The following CCDC197 variants were observed in gnomAD, a reference collection of about 807,000 sequenced individuals.
The protein encoded by CCDC197 is uncharacterized protein CCDC197.
In CCDC197, 24 loss-of-function variants were observed where a neutral mutation model predicts 13.4. That is an observed-to-expected ratio of 1.80 (90% CI 1.30 to 2.53). The LOEUF (loss-of-function observed/expected upper bound fraction) is 2.53, where lower values mean the gene tolerates loss of function less well. Ranked by LOEUF, CCDC197 falls within the 30% of genes most tolerant of loss-of-function variation. The pLI is 0.00. For missense variants in CCDC197, 255 were observed against 148.8 expected (o/e 1.71, Z -3.71); for synonymous variants, 99 against 55.5 (o/e 1.78, Z -3.48).
chr14:94,000,966 G>A, intron 3 of CCDC197, 179 bp from the exon 4 acceptor site: 1 of 413,514 alleles, frequency 2.4e-6, no homozygotes, highest in Non-Finnish European at 4.1e-6. Flanking sequence ...GGGCGGGAGG[G>A]CGGGGGGGCG....
chr14:93,995,438 C>A (rs1256667492), upstream of CCDC197, among the ~76,000 whole-genome samples: 1 of 152,206 alleles, frequency 6.6e-6, no homozygotes, highest in East Asian at 1.9e-4. Flanking sequence ...GCTGGGGATG[C>A]AGCCCAGTTG....
intron 6 of CCDC197, 130 bp downstream of exon 6, chr14:94,005,101 A>G (rs1327290950): frequency 3.3e-6 from 2 of 606,386 alleles, no homozygotes; most frequent in Non-Finnish European, 3.0e-6. Context: ...CCATAGCTAC[A>G]TTGGTGCCTG....
intron 6 of CCDC197, 57 bp downstream of exon 6, chr14:94,005,028 T>G: frequency 1.5e-6 from 1 of 686,856 alleles, no homozygotes; most frequent in Non-Finnish European, 2.7e-6. Flanking sequence ...GACTCCAACT[T>G]GAGCTAGTCC....
intron 6 of CCDC197, among the ~76,000 whole-genome samples, chr14:94,006,775 A>G (rs181417792): frequency 7.9e-5 from 12 of 152,244 alleles, no homozygotes; most frequent in African/African-American, 2.4e-4. Flanking sequence ...TACTATCTTG[A>G]TGAAGCACAG....
Position 93,998,175 on chromosome 14 carries a change from C to T in CCDC197, c.44C>T (p.Pro15Leu), listed in dbSNP as rs2141351208. ...GGCCAGAGAGCTGACCCAAGCAATCCTGGTGACAAGGAAGGGGACCTTCAA... is the reference window on the plus strand; with the variant it reads ...GGCCAGAGAGCTGACCCAAGCAATCTTGGTGACAAGGAAGGGGACCTTCAA... ...DTGQRADPSN[P>L]GDKEGDLQGL... Residue 15 changes from proline (P) to leucine (L), a missense_variant, in exon 2 of 7, where the codon CCT becomes CTT. Pro to Leu is a moderately conservative substitution (Grantham distance 98). Coordinates refer to ENST00000636493, the MANE Select transcript of CCDC197 (RefSeq NM_001351596.2). 3.8e-6 allele frequency: 3 copies of T among 780,854 alleles called. No individual in the cohort carries two copies. Among genetic ancestry groups the T allele is most frequent in the Non-Finnish European group, 7.2e-6 (3 of 418,122 alleles). The allele number at this position is 780,854 out of a possible 1,614,324, so 48.4% of individuals were successfully genotyped here. A position where few individuals can be genotyped will look rare whatever the true frequency, so the allele number is the denominator to read the frequency against.
At chr14:94,002,618 C>T (rs1890554827) in intron 4 of CCDC197, among the ~76,000 whole-genome samples, 1 of 152,108 alleles carries the variant, frequency 6.6e-6, no homozygotes, top group African/African-American at 2.4e-5. Flanking sequence ...TTTGGGAGGC[C>T]AAAGCGGGCA....
intron 5 of CCDC197, 82 bp from the exon 6 acceptor site, chr14:94,004,773 G>A (rs112086452): frequency 4.6e-5 from 31 of 671,350 alleles, no homozygotes; most frequent in Middle Eastern, 2.7e-4. Context: ...ACGACACTTC[G>A]CTGGCTGGAG....
intron 1 of CCDC197, among the ~76,000 whole-genome samples, chr14:93,988,013 T>G (rs1171815914): frequency 5.4e-4 from 30 of 55,788 alleles, no homozygotes; most frequent in Admixed American, 9.7e-4. Context: ...GAAGGAGGAG[T>G]GAGAGGAGGG....
chr14:94,006,469 C>T (rs1282789726), intron 6 of CCDC197, among the ~76,000 whole-genome samples: 1 of 151,756 alleles, frequency 6.6e-6, no homozygotes, highest in Non-Finnish European at 1.5e-5. Context: ...AATTGTCTTG[C>T]CTCAGCCTCC....
chr14:93,993,034 C>T (rs553055035), upstream of CCDC197, among the ~76,000 whole-genome samples: 2 of 152,206 alleles, frequency 1.3e-5, no homozygotes, highest in Non-Finnish European at 2.9e-5. Context: ...AAATTCTGGC[C>T]GAATCAATAG....
At chr14:93,999,880 C>T (rs562954837) in intron 3 of CCDC197, among the ~76,000 whole-genome samples, 2 of 152,300 alleles carry the variant, frequency 1.3e-5, no homozygotes, top group East Asian at 3.9e-4. Context: ...AACAGTGTGG[C>T]CTCTGGCAAG....
Position 94,003,869 on chromosome 14 carries a change from G to A in CCDC197, c.498+515G>A, listed in dbSNP as rs1365850658. ...CCAAGAACCAGAGCCGGGATCCACC[G>A]GCCCAGTCCCAGGGCTTGGTGTTGT... On this transcript the variant is annotated intron_variant, in intron 5 of 6. Coordinates refer to ENST00000636493, the MANE Select transcript of CCDC197 (RefSeq NM_001351596.2). The surrounding 1 kb of genome is among the most constrained non-coding windows in gnomAD (Gnocchi z 5.0). Among the ~76,000 whole-genome samples the A allele has an allele frequency of 2.0e-5, 3 of 152,292 alleles. 1 individual carries two copies. Among genetic ancestry groups the A allele is most frequent in the Non-Finnish European group, 1.5e-5 (1 of 68,008 alleles).
At chr14:93,996,067 C>T (rs748759177), upstream of CCDC197, among the ~76,000 whole-genome samples, 2 of 152,206 alleles carry the variant, frequency 1.3e-5, no homozygotes, top group Non-Finnish European at 2.9e-5. Context: ...TTCTTATCCT[C>T]GTGAAACACC....
upstream of CCDC197, among the ~76,000 whole-genome samples, chr14:93,995,352 G>C (rs1052961285): frequency 1.3e-5 from 2 of 152,186 alleles, no homozygotes; most frequent in African/African-American, 4.8e-5. Flanking sequence ...AGACTTGGGG[G>C]TGATGGGGTT....
At chr14:93,991,711 G>A (rs1423677451) in intron 1 of CCDC197, among the ~76,000 whole-genome samples, 3 of 152,174 alleles carry the variant, frequency 2.0e-5, no homozygotes, top group Admixed American at 1.3e-4. Context: ...GGTAAGCTGC[G>A]GTTGCGGTAC....
chr14:94,006,209 G>A (rs1890674140), intron 6 of CCDC197, among the ~76,000 whole-genome samples: 1 of 152,156 alleles, frequency 6.6e-6, no homozygotes, highest in Admixed American at 6.5e-5. Flanking sequence ...TGGGTGTGAA[G>A]TGGCATCTCA....
upstream of CCDC197, among the ~76,000 whole-genome samples, chr14:93,994,384 A>G (rs1002001669): frequency 3.3e-5 from 5 of 152,112 alleles, no homozygotes; most frequent in African/African-American, 1.2e-4. Context: ...CAGTTTTCTC[A>G]TCTGCAAAAT....
At chr14:94,004,043 A>G (rs898990513) in intron 5 of CCDC197, among the ~76,000 whole-genome samples, 4 of 152,146 alleles carry the variant, frequency 2.6e-5, no homozygotes, top group Admixed American at 2.6e-4. Flanking sequence ...AATATTGGTG[A>G]ATTTTACCCA....
At chr14:94,010,690 G>A (rs1016099484), downstream of CCDC197, among the ~76,000 whole-genome samples, 9 of 152,180 alleles carry the variant, frequency 5.9e-5, no homozygotes, top group African/African-American at 1.2e-4. Flanking sequence ...TGGAGCATGC[G>A]GAACCCCCTG....
Sources: gnomAD v4.1 joint callset for allele counts (sites outside exome capture counted in the v4.1 genomes callset) on GRCh38, gnomAD v4.1.1 for gene constraint, Gnocchi (gnomAD v3.1) non-coding constraint, MANE v1.5 for transcripts, NCBI Gene and HGNC (gene_info 2026-07-23, HGNC 2026-07-21) for gene names.